F11R: variants seen among roughly 807,000 people sequenced by gnomAD.
F11R encodes junctional adhesion molecule A.
Under a neutral mutation model 39.3 loss-of-function variants are expected in F11R, and 27 were observed. That is an observed-to-expected ratio of 0.69 (90% CI 0.51 to 0.95). F11R has a LOEUF of 0.95. Ranked by LOEUF, F11R falls within the 40% of genes least tolerant of loss-of-function variation. F11R has a pLI of 0.00. For missense variants in F11R, 335 were observed against 372.7 expected, an observed-to-expected ratio of 0.90 and a Z score of 0.83; for synonymous variants, 131 against 144.9, an observed-to-expected ratio of 0.90 and a Z score of 0.69.
chr1:161,015,944 T>A (rs527456030), intron 1 of F11R, among the ~76,000 whole-genome samples: 76 of 152,028 alleles, frequency 5.0e-4, no homozygotes, highest in East Asian at 1.2e-3. Context: ...TAAATTTTTT[T>A]AAAAAAAATC....
At position 160,999,704 on chromosome 1, in the gene F11R, G is replaced by T; in HGVS notation, c.738C>A (p.Thr246=). 1.9e-6 allele frequency: 3 copies of T among 1,614,120 alleles called. No homozygotes were observed. Among genetic ancestry groups the T allele is most frequent in the Non-Finnish European group, 1.7e-6 (2 of 1,180,020 alleles). The stretch of plus-strand genomic sequence containing the variant: ...AAACCAAGATTCCCAGGAGAATCAG[G>T]GTTACAAGGACGGCTGCCACGATGA... ...VGVIVAAVLV[T]LILLGILVFG... Residue 246 remains threonine, a synonymous_variant, in exon 7 of 10, where the codon ACC becomes ACA. Coordinates refer to ENST00000368026, the MANE Select transcript of F11R (RefSeq NM_016946.6).
rs1296499863 is a variant in F11R at position 161,000,289 on chromosome 1, C to G, written c.448G>C (p.Val150Leu). ...PSSATIGNRAVLTCSEQDGSP... is the reference protein window; with the variant it reads ...PSSATIGNRALLTCSEQDGSP... ...CCATCTTGTTCTGAGCATGTCAGCA[C>G]TGCCCGGTTCCCAATGGTGGCAGAG... The change falls in exon 5 of 10, where the codon GTG becomes CTG. Residue 150 changes from valine (V) to leucine (L), a missense_variant. By Grantham distance (32) the Val-to-Leu change is conservative. Coordinates refer to ENST00000368026, the MANE Select transcript of F11R (RefSeq NM_016946.6). The G allele has an allele frequency of 6.8e-6, 11 of 1,614,052 alleles. No homozygotes were observed. Among genetic ancestry groups the G allele is most frequent in the Non-Finnish European group, 9.3e-6 (11 of 1,180,044 alleles).
chr1:161,009,891 T>C (rs1649032687), intron 1 of F11R, among the ~76,000 whole-genome samples: 2 of 151,974 alleles, frequency 1.3e-5, no homozygotes, highest in African/African-American at 2.4e-5. Flanking sequence ...TGCAGTGAGC[T>C]GATATGGTGC....
chr1:160,996,336 C>T lies in F11R; in HGVS notation c.*2535G>A, dbSNP rs1039570651. ...CTGGCAATAACTGACTCATATTCTT[C>T]ACAAGTGGCCTAGACAATAAGGAAC... On this transcript the variant is annotated 3_prime_UTR_variant, in exon 10 of 10. Coordinates refer to ENST00000368026, the MANE Select transcript of F11R (RefSeq NM_016946.6). The T allele has an allele frequency of 1.3e-5, 2 of 152,352 alleles. No homozygotes were observed. Among genetic ancestry groups the T allele is most frequent in the African/African-American group, 2.4e-5 (1 of 41,456 alleles). 9.4% of individuals were successfully genotyped at this position (152,352 alleles called of 1,614,324 possible). A position where few individuals can be genotyped will look rare whatever the true frequency, so the allele number is the denominator to read the frequency against.
Position 161,009,721 on chromosome 1 carries a change from ACTTTGGG to A in F11R, c.65-8375_65-8369del, listed in dbSNP as rs1394882634. Among the ~76,000 whole-genome samples the A allele has an allele frequency of 3.6e-4, 55 of 151,836 alleles. No individual in the cohort carries two copies. The East Asian group carries it at 0.011, about 29-fold the overall frequency. On this transcript the variant is annotated intron_variant, in intron 1 of 9. Coordinates refer to ENST00000368026, the MANE Select transcript of F11R (RefSeq NM_016946.6). ...GGTGGCTCACGCCTATAATCCCAGCACTTTGGGAGGCCGATGTGGGTGGATTGCTTGA... is the reference window on the plus strand; with the variant it reads ...GGTGGCTCACGCCTATAATCCCAGCAAGGCCGATGTGGGTGGATTGCTTGA...
At chr1:161,006,425 C>T (rs1648822800) in intron 1 of F11R, among the ~76,000 whole-genome samples, 2 of 152,186 alleles carry the variant, frequency 1.3e-5, no homozygotes, top group Non-Finnish European at 2.9e-5. Flanking sequence ...AATAAACACA[C>T]ATATACACAC....
chr1:161,003,093 G>A lies in F11R; in HGVS notation c.65-1740C>T, dbSNP rs1342591519. On this transcript the variant is annotated intron_variant, in intron 1 of 9. Transcript: ENST00000368026. ...GCCTTCCAAACAGCTGGGATTACAGGCGCTTACCACCATGCCGGCTAATTT... is the reference window on the plus strand; with the variant it reads ...GCCTTCCAAACAGCTGGGATTACAGACGCTTACCACCATGCCGGCTAATTT... 3.4e-5 allele frequency among the ~76,000 whole-genome samples: 5 copies of A among 146,710 alleles called. No individual in the cohort carries two copies. In the South Asian group the frequency reaches 6.4e-4, roughly 19 times the overall value.
chr1:161,010,212 G>T (rs552935149), intron 1 of F11R, among the ~76,000 whole-genome samples: 10 of 151,928 alleles, frequency 6.6e-5, no homozygotes, highest in African/African-American at 2.2e-4. Flanking sequence ...TTGAGAGTCC[G>T]AAGCAAGCGG....
In F11R at chr1:160,999,718, C is replaced by T; in HGVS notation, c.724G>A (p.Ala242Thr). 1.9e-6 allele frequency: 3 copies of T among 1,614,192 alleles called. No individual in the cohort carries two copies. Among genetic ancestry groups the T allele is most frequent in the Non-Finnish European group, 2.5e-6 (3 of 1,180,036 alleles). ...VERNVGVIVA[A>T]VLVTLILLGI... ...AGGAGAATCAGGGTTACAAGGACGG[C>T]TGCCACGATGACCCCCACATTCCGC... Residue 242 changes from alanine (A) to threonine (T), a missense_variant, in exon 7 of 10, where the codon GCC (alanine) becomes ACC (threonine). By Grantham distance (58) the Ala-to-Thr change is moderately conservative. Transcript: ENST00000368026.
intron 1 of F11R, among the ~76,000 whole-genome samples, chr1:161,001,794 A>T (rs952495721): frequency 6.6e-6 from 1 of 152,240 alleles, no homozygotes; most frequent in Non-Finnish European, 1.5e-5. Context: ...CATGATGAGG[A>T]TAATAATAAT....
At chr1:161,014,673 C>T (rs1649349563) in intron 1 of F11R, among the ~76,000 whole-genome samples, 1 of 152,194 alleles carries the variant, frequency 6.6e-6, no homozygotes, top group South Asian at 2.1e-4. Context: ...GGCACGGTGG[C>T]TCATGCCTGT....
Position 160,996,990 on chromosome 1 carries a change from A to G in F11R, c.*1881T>C, listed in dbSNP as rs940770881. The G allele has an allele frequency of 6.6e-6, 1 of 152,326 alleles. No homozygotes were observed. The highest frequency in any genetic ancestry group is 2.4e-5 in the African/African-American group (1 of 41,446). The allele number at this position is 152,326 out of a possible 1,614,324, so 9.4% of individuals were successfully genotyped here. A position where few individuals can be genotyped will look rare whatever the true frequency, so the allele number is the denominator to read the frequency against. ...AGGGATTTCCAAATAGGATAGGGCA[A>G]AGTCGCACTTAGTATATCCTCCACA... On this transcript the variant is annotated 3_prime_UTR_variant, in exon 10 of 10. Coordinates refer to ENST00000368026, the MANE Select transcript of F11R (RefSeq NM_016946.6).
intron 1 of F11R, among the ~76,000 whole-genome samples, chr1:161,016,411 G>A: frequency 6.6e-6 from 1 of 152,248 alleles, no homozygotes; most frequent in East Asian, 1.9e-4. Context: ...GGGAGGTGGA[G>A]TTTGCAGTGA....
chr1:161,013,950 C>T (rs1649306260), intron 1 of F11R, among the ~76,000 whole-genome samples: 1 of 152,214 alleles, frequency 6.6e-6, no homozygotes, highest in African/African-American at 2.4e-5. Flanking sequence ...CTGTTCCGCC[C>T]CTACATTGTG....
intron 1 of F11R, among the ~76,000 whole-genome samples, chr1:161,001,726 C>A (rs550466761): frequency 6.6e-6 from 1 of 152,250 alleles, no homozygotes; most frequent in East Asian, 1.9e-4. Flanking sequence ...CTTGTCAGGA[C>A]AATCCTGGAA....
In F11R at chr1:161,001,086, G is replaced by C. The variant is rs753577357; in HGVS notation, c.175C>G (p.Arg59Gly). The C allele has an allele frequency of 5.0e-6, 8 of 1,614,110 alleles. No homozygotes were observed. Among genetic ancestry groups the C allele is most frequent in the South Asian group, 1.1e-5 (1 of 91,078 alleles). Residue 59 changes from arginine to glycine, a missense_variant, in exon 3 of 10, where the codon CGT (arginine) becomes GGT (glycine). Transcript: ENST00000368026. The part of the protein sequence containing the change: ...SCAYSGFSSP[R>G]VEWKFDQGDT... ...CCTTGGTCAAACTTCCACTCCACAC[G>C]GGGAGAAGAAAAGCCCGAGTAGGCA...
intron 1 of F11R, among the ~76,000 whole-genome samples, chr1:161,005,151 C>A (rs1465479849): frequency 7.4e-6 from 1 of 134,402 alleles, no homozygotes; most frequent in Non-Finnish European, 1.7e-5. Context: ...CAGAGCAAGA[C>A]TCTGTCTCAA....
At chr1:161,005,799 G>A (rs1648768975) in intron 1 of F11R, among the ~76,000 whole-genome samples, 1 of 151,986 alleles carries the variant, frequency 6.6e-6, no homozygotes, top group South Asian at 2.1e-4. Flanking sequence ...GATTACAGGC[G>A]TGAGCCACCA....
In F11R at chr1:161,001,106, T is replaced by A; in HGVS notation, c.155A>T (p.Tyr52Phe). Reference protein sequence around the residue: ...ENNPVKLSCAYSGFSSPRVEW... With the variant: ...ENNPVKLSCAFSGFSSPRVEW... ...CACACGGGGAGAAGAAAAGCCCGAG[T>A]AGGCACAGGACAACTTCACAGCTGC... is the stretch of plus-strand genomic sequence containing the variant. The change falls in exon 3 of 10, where the codon TAC (tyrosine) becomes TTC (phenylalanine). Residue 52 changes from tyrosine to phenylalanine, a missense_variant. Transcript: ENST00000368026. 6.2e-7 allele frequency: 1 copy of A among 1,613,792 alleles called. No individual in the cohort carries two copies.
Sources: allele counts gnomAD v4.1 joint callset (sites outside exome capture counted in the v4.1 genomes callset), GRCh38; gene constraint gnomAD v4.1.1; transcripts MANE v1.5; gene names NCBI Gene and HGNC (gene_info 2026-07-23, HGNC 2026-07-21).